The following CTSH variants were observed in gnomAD, a reference collection of about 807,000 sequenced individuals.
CTSH encodes pro-cathepsin H.
CTSH carries 52 observed loss-of-function variants against 56.3 expected under a neutral mutation model. The observed-to-expected ratio is 0.92, with a 90% CI of 0.74 to 1.16. CTSH has a LOEUF of 1.16. CTSH is among the 50% of genes most tolerant of loss of function. The probability of loss-of-function intolerance (pLI) is 0.00; values close to 1 mark genes in which losing one functional copy is unlikely to be tolerated. For missense variants in CTSH, 406 were observed against 424.5 expected (o/e 0.96, Z 0.38); for synonymous variants, 174 against 155.7 (o/e 1.12, Z -0.88).
chr15:78,931,589 A>C, intron 6 of CTSH, 83 bp from the exon 7 acceptor site: 1 of 1,608,718 alleles, frequency 6.2e-7, no homozygotes, highest in Non-Finnish European at 8.5e-7. Flanking sequence ...TCCCTGGCTG[A>C]GCCACATCTG....
intron 1 of CTSH, chr15:78,944,595 A>C: frequency 3.2e-6 from 1 of 315,088 alleles, no homozygotes; most frequent in Non-Finnish European, 5.9e-6. Flanking sequence ...CAGTTGAGGA[A>C]GGCGGAAGGA....
At chr15:78,927,517 C>A in intron 9 of CTSH, 196 bp downstream of exon 9, 1 of 564,782 alleles carries the variant, frequency 1.8e-6, no homozygotes, top group Non-Finnish European at 3.1e-6. Context: ...GAGGGCCTGC[C>A]TGCCAGTTTG....
chr15:78,921,510 G>GTT lies in CTSH; in HGVS notation c.*618_*619dup, dbSNP rs1281818088. 1 of 152,644 alleles carries GTT rather than the reference G, an allele frequency of 6.6e-6. No homozygotes were observed. Among genetic ancestry groups the GTT allele is most frequent in the African/African-American group, 2.4e-5 (1 of 41,438 alleles). The allele number at this position is 152,644 out of a possible 1,614,324, so 9.5% of individuals were successfully genotyped here. A position where few individuals can be genotyped will look rare whatever the true frequency, so the allele number is the denominator to read the frequency against. On this transcript the variant is annotated 3_prime_UTR_variant, in exon 12 of 12. Coordinates refer to ENST00000220166, the MANE Select transcript of CTSH (RefSeq NM_004390.5). Reference sequence around the variant, plus strand: ...ACAGGCTTCTGGGCTGACATTGTGGGTTTGAATCCTGCCTCTGCCGCAGCT... The same window carrying GTT: ...ACAGGCTTCTGGGCTGACATTGTGGGTTTTTGAATCCTGCCTCTGCCGCAGCT...
intron 10 of CTSH, among the ~76,000 whole-genome samples, chr15:78,924,817 G>A (rs2054866376): frequency 1.3e-5 from 2 of 150,508 alleles, no homozygotes; most frequent in African/African-American, 4.9e-5. Context: ...AGCCTCCCGA[G>A]TAGCTGGGAT....
intron 2 of CTSH, among the ~76,000 whole-genome samples, chr15:78,938,836 CT>C (rs2055230310): frequency 9.4e-6 from 1 of 106,084 alleles, no homozygotes; most frequent in Non-Finnish European, 2.7e-5. Context: ...AACCTCCATA[CT>C]GTTTTTTTTA....
At chr15:78,939,861 C>T (rs542052675) in intron 1 of CTSH, among the ~76,000 whole-genome samples, 40 of 152,288 alleles carry the variant, frequency 2.6e-4, no homozygotes, top group Middle Eastern at 3.4e-3. Flanking sequence ...CCAGCCTGGG[C>T]GACAGAGAGA....
chr15:78,928,642 C>T (rs144546983), intron 8 of CTSH, among the ~76,000 whole-genome samples: 230 of 151,494 alleles, frequency 1.5e-3, no homozygotes, highest in Middle Eastern at 6.9e-3. Context: ...GGCTTTCTCC[C>T]GAAGGCCGCA....
rs2054944357 is a variant in CTSH at position 78,927,765 on chromosome 15, A to G, written c.647T>C (p.Phe216Ser). Residue 216 changes from phenylalanine (F) to serine (S), a missense_variant, in exon 9 of 12, where the codon TTC (phenylalanine) becomes TCC (serine). Phe to Ser is a radical substitution (Grantham distance 155, BLOSUM62 -2). Transcript: ENST00000220166. Reference protein sequence around the residue: ...PYQGKDGYCKFQPGKAIGFVK... With the variant: ...PYQGKDGYCKSQPGKAIGFVK... ...AAAGCCGATGGCCTTTCCAGGTTGG[A>G]ACTTGCAATAACCATCCTGTTGAGG... 1 of 1,614,030 alleles carries G rather than the reference A, an allele frequency of 6.2e-7. No homozygotes were observed. The highest frequency in any genetic ancestry group is 1.7e-5 in the Admixed American group (1 of 60,014).
At chr15:78,937,786 A>T (rs1372440335) in intron 2 of CTSH, 1 of 1,303,358 alleles carries the variant, frequency 7.7e-7, no homozygotes, top group East Asian at 5.3e-5. Context: ...GTGTTCCCCA[A>T]CTGATTCTGC....
intron 10 of CTSH, 109 bp from the exon 11 acceptor site, chr15:78,923,227 G>T: frequency 8.7e-7 from 1 of 1,153,008 alleles, no homozygotes; most frequent in Non-Finnish European, 1.3e-6. Context: ...TCCCCACAGC[G>T]GACCAGGGAG....
chr15:78,940,657 CT>C (rs1305791503), intron 1 of CTSH, among the ~76,000 whole-genome samples: 1 of 152,110 alleles, frequency 6.6e-6, no homozygotes, highest in East Asian at 1.9e-4. Context: ...ACAAACTTTT[CT>C]ATAAGAGTCA....
chr15:78,931,922 C>T (rs1325556173), intron 6 of CTSH: 2 of 1,185,176 alleles, frequency 1.7e-6, no homozygotes, highest in African/African-American at 1.6e-5. Flanking sequence ...TGCACTGTCC[C>T]TCCTTTCTCC....
At chr15:78,939,371 G>A (rs1388874423) in intron 1 of CTSH, among the ~76,000 whole-genome samples, 200 bp from the exon 2 acceptor site, 1 of 152,208 alleles carries the variant, frequency 6.6e-6, no homozygotes, top group Admixed American at 6.5e-5. Context: ...ATGTGAAAAA[G>A]TATATACTAT....
chr15:78,927,883 G>C (rs1424100107), intron 8 of CTSH, 102 bp from the exon 9 acceptor site: 2 of 903,006 alleles, frequency 2.2e-6, no homozygotes, highest in Non-Finnish European at 1.8e-6. Context: ...AGATGTGCCA[G>C]GGCCTGGGGG....
intron 5 of CTSH, among the ~76,000 whole-genome samples, chr15:78,933,893 C>T (rs908925476): frequency 6.6e-6 from 1 of 152,240 alleles, no homozygotes; most frequent in Admixed American, 6.5e-5. Context: ...CAGGAAGCAC[C>T]TCATTCCGCT....
intron 1 of CTSH, among the ~76,000 whole-genome samples, chr15:78,941,421 C>CT (rs1216275662): frequency 4.1e-5 from 1 of 24,136 alleles, no homozygotes; most frequent in Non-Finnish European, 7.5e-5. Context: ...GAGACTCTGT[C>CT]TAAAAAAAAA....
intron 9 of CTSH, 46 bp from the exon 10 acceptor site, chr15:78,925,486 C>T: frequency 4.6e-6 from 6 of 1,299,532 alleles, no homozygotes; most frequent in African/African-American, 1.5e-5. Context: ...TGTCACCTCC[C>T]CACTCCTTTC....
At chr15:78,930,538 A>C (rs201884602) in intron 7 of CTSH, among the ~76,000 whole-genome samples, 6 of 52,514 alleles carry the variant, frequency 1.1e-4, no homozygotes, top group African/African-American at 9.0e-4. Flanking sequence ...AAAAAAGAAA[A>C]AATAAATAAA....
rs760614809 is a variant in CTSH at position 78,932,421 on chromosome 15, C to T, written c.443G>A (p.Gly148Glu). The change falls in exon 6 of 12, where the codon GGG (glycine) becomes GAG (glutamate). Residue 148 changes from glycine to glutamate, a missense_variant. Physicochemically the swap from Gly to Glu is moderately conservative, Grantham distance 98 (BLOSUM62 -2). Transcript: ENST00000220166. ...GATGGCGATCGCAGACTCCAGGGCC[C>T]CAGTGGTGGAGAAAGTCCAGCAACT... ...CGSCWTFSTTGALESAIAIAT... is the reference protein window; with the variant it reads ...CGSCWTFSTTEALESAIAIAT... The T allele has an allele frequency of 1.5e-5, 24 of 1,614,116 alleles. No homozygotes were observed. The South Asian group carries it at 2.2e-4, about 15-fold the overall frequency.
Sources: allele counts gnomAD v4.1 joint callset (sites outside exome capture counted in the v4.1 genomes callset), GRCh38; gene constraint gnomAD v4.1.1; transcripts MANE v1.5; gene names NCBI Gene and HGNC (gene_info 2026-07-23, HGNC 2026-07-21).